Variants in DOK6 observed in about 807,000 individuals in gnomAD.
The protein encoded by DOK6 is docking protein 6, also known as downstream of tyrosine kinase 6.
In DOK6, 22 loss-of-function variants were observed where a neutral mutation model predicts 44.0. The observed-to-expected ratio is 0.50, with a 90% confidence interval of 0.36 to 0.71. The LOEUF (loss-of-function observed/expected upper bound fraction) is 0.71, where lower values mean the gene tolerates loss of function less well. Ranked by LOEUF, DOK6 falls within the 30% of genes least tolerant of loss-of-function variation. The pLI, the probability that DOK6 is intolerant of heterozygous loss-of-function variation, is 0.00. For missense variants in DOK6, 340 were observed against 416.4 expected (o/e 0.82, Z 1.60); for synonymous variants, 166 against 145.5 (o/e 1.14, Z -1.01).
At chr18:69,503,608 TTAAAA>T (rs1981104806) in intron 1 of DOK6, among the ~76,000 whole-genome samples, 1 of 152,194 alleles carries the variant, frequency 6.6e-6, no homozygotes, top group South Asian at 2.1e-4. Flanking sequence ...AAACAATGTC[TTAAAA>T]TAACACAAAT....
At chr18:69,735,499 G>C (rs1978574637) in intron 5 of DOK6, among the ~76,000 whole-genome samples, 1 of 152,240 alleles carries the variant, frequency 6.6e-6, no homozygotes, top group Admixed American at 6.5e-5. Context: ...AACCTTCCAA[G>C]GCCCCTCCCA....
chr18:69,412,959 A>G (rs1344296960), intron 1 of DOK6, among the ~76,000 whole-genome samples: 1 of 152,090 alleles, frequency 6.6e-6, no homozygotes, highest in Non-Finnish European at 1.5e-5. Flanking sequence ...AGTCATTTCT[A>G]CTGGATCAAT....
intron 6 of DOK6, among the ~76,000 whole-genome samples, chr18:69,740,518 A>T (rs1271713188): frequency 6.6e-6 from 1 of 152,132 alleles, no homozygotes; most frequent in South Asian, 2.1e-4. Context: ...AAGCTCATAG[A>T]GTGATTTAAA....
intron 1 of DOK6, among the ~76,000 whole-genome samples, chr18:69,515,142 T>C (rs768153344): frequency 2.0e-5 from 3 of 152,246 alleles, no homozygotes; most frequent in Admixed American, 6.5e-5. Flanking sequence ...AACATTCTTA[T>C]ATCAGAATGA....
intron 7 of DOK6, among the ~76,000 whole-genome samples, chr18:69,770,191 A>G (rs902232554): frequency 2.0e-5 from 3 of 152,092 alleles, no homozygotes; most frequent in Non-Finnish European, 4.4e-5. Context: ...TAATCTTCCC[A>G]ACAACTCTCC....
At chr18:69,499,563 C>T (rs555959848) in intron 1 of DOK6, among the ~76,000 whole-genome samples, 62 of 152,272 alleles carry the variant, frequency 4.1e-4, no homozygotes, top group African/African-American at 1.5e-3. Context: ...AGTAATTTGG[C>T]AGGTAGATTT....
chr18:69,661,386 C>CT (rs1480274793), intron 3 of DOK6: 1 of 152,174 alleles, frequency 6.6e-6, no homozygotes, highest in Admixed American at 6.5e-5. Flanking sequence ...ATAGCATCAC[C>CT]TTGGGAGTTA....
intron 1 of DOK6, among the ~76,000 whole-genome samples, chr18:69,475,490 T>C (rs932481175): frequency 2.0e-5 from 3 of 152,202 alleles, no homozygotes; most frequent in African/African-American, 7.2e-5. Flanking sequence ...GGCAAATAGT[T>C]TAACTTTTGC....
intron 6 of DOK6, among the ~76,000 whole-genome samples, chr18:69,753,263 TTC>T (rs1979244273): frequency 6.6e-6 from 1 of 152,170 alleles, no homozygotes; most frequent in Non-Finnish European, 1.5e-5. Context: ...CCACCCTTGT[TTC>T]TATCTTTACA....
chr18:69,464,134 A>G (rs754527490), intron 1 of DOK6, among the ~76,000 whole-genome samples: 1 of 147,964 alleles, frequency 6.8e-6, no homozygotes. Context: ...CTTAATGAGT[A>G]TAATAACCTA....
chr18:69,405,566 C>T (rs756135221), intron 1 of DOK6, among the ~76,000 whole-genome samples: 3 of 150,386 alleles, frequency 2.0e-5, no homozygotes, highest in East Asian at 1.9e-4. Flanking sequence ...GGTGACAAAG[C>T]GAAACTCTGT....
chr18:69,487,968 C>G (rs556171725), intron 1 of DOK6, among the ~76,000 whole-genome samples: 75 of 152,280 alleles, frequency 4.9e-4, no homozygotes, highest in African/African-American at 1.8e-3. Context: ...TTAGTCTTCT[C>G]AGAACCATGG....
At chr18:69,466,137 T>G (rs1313445071) in intron 1 of DOK6, among the ~76,000 whole-genome samples, 2 of 152,156 alleles carry the variant, frequency 1.3e-5, no homozygotes, top group African/African-American at 4.8e-5. Flanking sequence ...TAGCTGAAAT[T>G]TTGAACCCTT....
chr18:69,643,383 A>G (rs1984992056), intron 3 of DOK6, among the ~76,000 whole-genome samples: 2 of 152,194 alleles, frequency 1.3e-5, no homozygotes, highest in Admixed American at 6.5e-5. Context: ...TTCCAACTCC[A>G]CAGGGAGTCC....
chr18:69,411,887 CTT>C (rs1205914950), intron 1 of DOK6, among the ~76,000 whole-genome samples: 1 of 152,094 alleles, frequency 6.6e-6, no homozygotes, highest in Non-Finnish European at 1.5e-5. Context: ...TCTTTCATCT[CTT>C]TGCCTCTCAG....
At chr18:69,530,650 T>G (rs534807065) in intron 1 of DOK6, among the ~76,000 whole-genome samples, 5 of 152,058 alleles carry the variant, frequency 3.3e-5, no homozygotes, top group African/African-American at 1.2e-4. Context: ...CTTTCAGAAG[T>G]TTTTACATTT....
intron 1 of DOK6, among the ~76,000 whole-genome samples, chr18:69,476,464 C>T (rs1422137506): frequency 3.3e-5 from 5 of 151,708 alleles, no homozygotes; most frequent in South Asian, 2.1e-4. Flanking sequence ...CACGGGTAAT[C>T]GTCACTTGAT....
chr18:69,607,172 T>G (rs1016358129), intron 3 of DOK6, among the ~76,000 whole-genome samples: 1 of 152,134 alleles, frequency 6.6e-6, no homozygotes, highest in African/African-American at 2.4e-5. Flanking sequence ...CCAGCACATA[T>G]TGCAACAAGC....
intron 5 of DOK6, among the ~76,000 whole-genome samples, chr18:69,708,266 C>T (rs954605622): frequency 2.4e-4 from 36 of 152,008 alleles, no homozygotes; most frequent in African/African-American, 8.0e-4. Context: ...ATTTATAATA[C>T]GCAATGTGCC....
Sources: allele counts gnomAD v4.1 joint callset (sites outside exome capture counted in the v4.1 genomes callset), GRCh38; gene constraint gnomAD v4.1.1; transcripts MANE v1.5; gene names NCBI Gene and HGNC (gene_info 2026-07-23, HGNC 2026-07-21).